KSR1: variants seen among roughly 807,000 people sequenced by gnomAD.
KSR1 encodes kinase suppressor of ras.
Under a neutral mutation model 92.9 loss-of-function variants are expected in KSR1, and 35 were observed. That is an observed-to-expected ratio of 0.38 (90% CI 0.29 to 0.50). KSR1 has a LOEUF of 0.50. Ranked by LOEUF, KSR1 falls within the 20% of genes least tolerant of loss-of-function variation. KSR1 has a pLI of 0.94. For missense variants in KSR1, 972 were observed against 1,158.5 expected (o/e 0.84, Z 2.34); for synonymous variants, 467 against 472.6 (o/e 0.99, Z 0.15).
chr17:27,562,746 A>C (rs2071884179), intron 2 of KSR1, among the ~76,000 whole-genome samples: 1 of 152,254 alleles, frequency 6.6e-6, no homozygotes, highest in South Asian at 2.1e-4. Context: ...TTCTTTTAAA[A>C]AAATAGCACA....
chr17:27,583,733 G>GTATCA (rs2072866099), intron 4 of KSR1, among the ~76,000 whole-genome samples: 1 of 152,244 alleles, frequency 6.6e-6, no homozygotes, highest in Admixed American at 6.5e-5. Context: ...TGGTATCTCT[G>GTATCA]AGAACATCAT....
At chr17:27,531,629 G>C (rs1457072845) in intron 1 of KSR1, among the ~76,000 whole-genome samples, 1 of 152,186 alleles carries the variant, frequency 6.6e-6, no homozygotes, top group African/African-American at 2.4e-5. Flanking sequence ...CTGCTCCTCT[G>C]AGCAGCTGCT....
intron 1 of KSR1, among the ~76,000 whole-genome samples, chr17:27,494,270 G>C (rs2068912987): frequency 6.6e-6 from 1 of 152,044 alleles, no homozygotes; most frequent in African/African-American, 2.4e-5. Flanking sequence ...TCTATATGTG[G>C]AGTATCTGGA....
At chr17:27,616,196 T>TA (rs2074050338) in intron 18 of KSR1, among the ~76,000 whole-genome samples, 5 of 152,208 alleles carry the variant, frequency 3.3e-5, no homozygotes, top group Admixed American at 6.5e-5. Flanking sequence ...AATTTTCTTT[T>TA]ATTATTTCTT....
intron 1 of KSR1, among the ~76,000 whole-genome samples, chr17:27,496,607 C>T (rs772918633): frequency 6.6e-5 from 10 of 152,118 alleles, no homozygotes; most frequent in Non-Finnish European, 1.0e-4. Flanking sequence ...AATCTGAGAA[C>T]GCAGGAATTG....
At chr17:27,596,555 G>A (rs989648172) in intron 9 of KSR1, among the ~76,000 whole-genome samples, 2 of 152,162 alleles carry the variant, frequency 1.3e-5, no homozygotes, top group African/African-American at 4.8e-5. Flanking sequence ...AACTCCTGTG[G>A]TCATCTTCTA....
chr17:27,544,068 C>A (rs1278304297), intron 1 of KSR1, among the ~76,000 whole-genome samples: 1 of 152,326 alleles, frequency 6.6e-6, no homozygotes, highest in Non-Finnish European at 1.5e-5. Flanking sequence ...GTGTTCCACA[C>A]GTTTTGCTGA....
chr17:27,624,849 C>G lies in KSR1; in HGVS notation c.*1457C>G, dbSNP rs977708197. On this transcript the variant is annotated 3_prime_UTR_variant, in exon 21 of 21. Transcript: ENST00000644974. ...AGAGCCCCAGTCTCCAGCCCCTTCC[C>G]TAGCACCAGAGTCTGGTCAAAATGC... The G allele has an allele frequency of 1.3e-5, 2 of 152,282 alleles. No individual in the cohort carries two copies. The highest frequency in any genetic ancestry group is 4.8e-5 in the African/African-American group (2 of 41,456). 9.4% of individuals were successfully genotyped at this position (152,282 alleles called of 1,614,324 possible).
chr17:27,545,759 CA>C (rs2071151474), intron 1 of KSR1, among the ~76,000 whole-genome samples: 1 of 152,194 alleles, frequency 6.6e-6, no homozygotes, highest in Non-Finnish European at 1.5e-5. Context: ...GGCGGAGAGT[CA>C]CTGGGAAGAG....
intron 9 of KSR1, among the ~76,000 whole-genome samples, chr17:27,593,979 C>T (rs1567866888): frequency 6.6e-6 from 1 of 152,162 alleles, no homozygotes; most frequent in African/African-American, 2.4e-5. Flanking sequence ...GGGCTCTGCC[C>T]TGATGACCCA....
chr17:27,466,448 CGCCT>C (rs372165079), intron 1 of KSR1, among the ~76,000 whole-genome samples: 7 of 152,104 alleles, frequency 4.6e-5, no homozygotes, highest in East Asian at 1.9e-4. Context: ...GAGGTGTGCC[CGCCT>C]GCCTGCCTGC....
At chr17:27,588,248 C>T (rs1386922989) in intron 5 of KSR1, 46 of 349,670 alleles carry the variant, frequency 1.3e-4, no homozygotes, top group Non-Finnish European at 1.6e-5. Flanking sequence ...GAGCCATCCT[C>T]AGAGGCCAGG....
chr17:27,500,645 C>T (rs1464489895), intron 1 of KSR1, among the ~76,000 whole-genome samples: 5 of 152,134 alleles, frequency 3.3e-5, no homozygotes, highest in African/African-American at 7.2e-5. Flanking sequence ...CTAAAAGTAG[C>T]GTTACGACAA....
At chr17:27,554,911 C>T (rs1204472642) in intron 2 of KSR1, among the ~76,000 whole-genome samples, 3 of 152,162 alleles carry the variant, frequency 2.0e-5, no homozygotes, top group African/African-American at 4.8e-5. Flanking sequence ...ACAGAGAGTT[C>T]TCGTATGTAC....
At chr17:27,614,884 G>A (rs1271607530) in intron 18 of KSR1, among the ~76,000 whole-genome samples, 1 of 152,072 alleles carries the variant, frequency 6.6e-6, no homozygotes, top group Non-Finnish European at 1.5e-5. Context: ...TGCTATTAGG[G>A]GTAGGGGAAC....
At chr17:27,584,357 C>A (rs1187029287) in intron 4 of KSR1, among the ~76,000 whole-genome samples, 6 of 152,148 alleles carry the variant, frequency 3.9e-5, no homozygotes, top group Admixed American at 3.9e-4. Context: ...TGGGATGGAG[C>A]CTGGACAGCT....
intron 1 of KSR1, among the ~76,000 whole-genome samples, chr17:27,546,343 A>G (rs971595593): frequency 6.6e-6 from 1 of 152,212 alleles, no homozygotes; most frequent in African/African-American, 2.4e-5. Flanking sequence ...GCTAGGTGTC[A>G]TCGTTCCTGT....
intron 1 of KSR1, among the ~76,000 whole-genome samples, chr17:27,545,512 C>T (rs2151076928): frequency 6.6e-6 from 1 of 152,290 alleles, no homozygotes; most frequent in East Asian, 1.9e-4. Flanking sequence ...ATGGCAAGAC[C>T]CCATCTCTAT....
In KSR1 at chr17:27,625,311, A is replaced by G. The variant is rs1250183082; in HGVS notation, c.*1919A>G. On this transcript the variant is annotated 3_prime_UTR_variant, in exon 21 of 21. Coordinates refer to ENST00000644974, the MANE Select transcript of KSR1 (RefSeq NM_001394583.1). ...TCCCTGACCCCTGACACCAGGCCGC[A>G]GTGGGCATGCACAGGCCCACAGAAA... 2.0e-5 allele frequency: 3 copies of G among 152,302 alleles called. No individual in the cohort carries two copies. Among genetic ancestry groups the G allele is most frequent in the Non-Finnish European group, 2.9e-5 (2 of 68,068 alleles). The allele number at this position is 152,302 out of a possible 1,614,324, so 9.4% of individuals were successfully genotyped here.
Sources: allele counts gnomAD v4.1 joint callset (sites outside exome capture counted in the v4.1 genomes callset), GRCh38; gene constraint gnomAD v4.1.1; transcripts MANE v1.5; gene names NCBI Gene and HGNC (gene_info 2026-07-23, HGNC 2026-07-21).